The following ERN1 variants were observed in gnomAD, a reference collection of about 807,000 sequenced individuals.
The protein encoded by ERN1 is serine/threonine-protein kinase/endoribonuclease IRE1.
ERN1 carries 39 observed loss-of-function variants against 113.1 expected under a neutral mutation model. That is an observed-to-expected ratio of 0.34 (90% CI 0.27 to 0.45). ERN1 has a LOEUF of 0.45. Ranked by LOEUF, ERN1 falls within the 20% of genes least tolerant of loss-of-function variation. The pLI is 1.00. For synonymous variants in ERN1, 507 were observed against 515.9 expected (o/e 0.98, Z 0.23); for missense variants, 976 against 1,274.8 (o/e 0.77, Z 3.57).
In ERN1 at chr17:64,063,561, C is replaced by T. The variant is rs937394976; in HGVS notation, c.1087+425G>A. ...TAATCCCTCCCGGGTCCTCAGCCCT[C>T]GCCTCTCCAACCCCTCACCCTCATG... On this transcript the variant is annotated intron_variant, in intron 10 of 21. Transcript: ENST00000433197. This position sits in a 1 kb window ranked among gnomAD's most constrained non-coding sequence, Gnocchi z 5.1. 4.6e-5 allele frequency among the ~76,000 whole-genome samples: 7 copies of T among 152,186 alleles called. No homozygotes were observed. Among genetic ancestry groups the T allele is most frequent in the Admixed American group, 3.9e-4 (6 of 15,286 alleles).
chr17:64,049,863 G>T lies in ERN1; in HGVS notation c.2254-661C>A, dbSNP rs535800638. 8.7e-4 allele frequency among the ~76,000 whole-genome samples: 133 copies of T among 152,260 alleles called. No individual in the cohort carries two copies. The highest frequency in any genetic ancestry group is 1.5e-3 in the Non-Finnish European group (105 of 68,020). The stretch of plus-strand genomic sequence containing the variant: ...TGTTTTTTAGCTCATGCTACCTGGG[G>T]TGTAATACCAAGGTGGTTCCTGAGC... On this transcript the variant is annotated intron_variant, in intron 17 of 21. Coordinates refer to ENST00000433197, the MANE Select transcript of ERN1 (RefSeq NM_001433.5). The surrounding 1 kb of genome is among the most constrained non-coding windows in gnomAD (Gnocchi z 4.7).
At chr17:64,074,009 T>C (rs1913511971) in intron 5 of ERN1, among the ~76,000 whole-genome samples, 1 of 152,202 alleles carries the variant, frequency 6.6e-6, no homozygotes, top group Non-Finnish European at 1.5e-5. Flanking sequence ...GCTCCACATG[T>C]GTGCAACTTA....
At chr17:64,064,925 G>A (rs948470589) in intron 9 of ERN1, among the ~76,000 whole-genome samples, 21 of 152,178 alleles carry the variant, frequency 1.4e-4, no homozygotes, top group African/African-American at 4.6e-4. Flanking sequence ...GAAGGGCATC[G>A]TGGGACTGGA....
At chr17:64,047,716 G>C (rs1215665592) in intron 19 of ERN1, 142 bp downstream of exon 19, 3 of 665,234 alleles carry the variant, frequency 4.5e-6, no homozygotes, top group African/African-American at 1.8e-5. Flanking sequence ...TATATATGAA[G>C]AAAACATTAA....
chr17:64,094,497 T>C (rs1598075662), intron 2 of ERN1, among the ~76,000 whole-genome samples: 2 of 152,176 alleles, frequency 1.3e-5, no homozygotes, highest in African/African-American at 2.4e-5. Flanking sequence ...TTATAGTACA[T>C]GTGAAGTAAA....
intron 2 of ERN1, among the ~76,000 whole-genome samples, chr17:64,090,036 G>T (rs1443102950): frequency 1.3e-5 from 2 of 152,126 alleles, no homozygotes; most frequent in Non-Finnish European, 2.9e-5. Context: ...CTTCTCCCCA[G>T]TGGCAGCTCA....
At chr17:64,090,309 T>C (rs779957101) in intron 2 of ERN1, among the ~76,000 whole-genome samples, 1 of 152,180 alleles carries the variant, frequency 6.6e-6, no homozygotes, top group Non-Finnish European at 1.5e-5. Context: ...GACGATCACA[T>C]AGAAATGACC....
intron 6 of ERN1, among the ~76,000 whole-genome samples, chr17:64,070,831 C>T (rs1358487256): frequency 2.0e-5 from 3 of 152,172 alleles, no homozygotes; most frequent in Admixed American, 6.5e-5. Context: ...ATGGCATCCC[C>T]GACATGTGTG....
chr17:64,045,170 C>T (rs914514083), intron 20 of ERN1, among the ~76,000 whole-genome samples, 189 bp downstream of exon 20: 1 of 152,012 alleles, frequency 6.6e-6, no homozygotes, highest in Non-Finnish European at 1.5e-5. Context: ...TCACCTGTCA[C>T]TCTAGGGAAC....
intron 2 of ERN1, among the ~76,000 whole-genome samples, chr17:64,086,444 A>G (rs2143425993): frequency 6.6e-6 from 1 of 152,182 alleles, no homozygotes; most frequent in Non-Finnish European, 1.5e-5. Flanking sequence ...TGTATGTATC[A>G]TAGTTCGCTC....
Position 64,063,735 on chromosome 17 carries a change from A to C in ERN1, c.1087+251T>G, listed in dbSNP as rs1242140455. 6.6e-6 allele frequency among the ~76,000 whole-genome samples: 1 copy of C among 152,232 alleles called. No individual in the cohort carries two copies. Among genetic ancestry groups the C allele is most frequent in the Non-Finnish European group, 1.5e-5 (1 of 68,042 alleles). ...AAAGGGCTTAATGTCGGATACTCAC[A>C]CAAGGTTTACATTAATTTAGTACCT... is the stretch of plus-strand genomic sequence containing the variant. On this transcript the variant is annotated intron_variant, in intron 10 of 21. Transcript: ENST00000433197. The surrounding 1 kb of genome is among the most constrained non-coding windows in gnomAD (Gnocchi z 5.1).
At chr17:64,116,091 T>G (rs1257500651) in intron 1 of ERN1, among the ~76,000 whole-genome samples, 1 of 152,160 alleles carries the variant, frequency 6.6e-6, no homozygotes, top group Non-Finnish European at 1.5e-5. Context: ...CTGACTCACT[T>G]TAAGGTTCAG....
chr17:64,055,223 G>A lies in ERN1; in HGVS notation c.1673-395C>T, dbSNP rs113834884. 4.7e-3 allele frequency among the ~76,000 whole-genome samples: 719 copies of A among 152,360 alleles called. 6 individuals carry two copies. Among genetic ancestry groups the A allele is most frequent in the African/African-American group, 0.016 (681 of 41,580 alleles). On this transcript the variant is annotated intron_variant, in intron 13 of 21. Transcript: ENST00000433197. ...GCATTCAGGTGGCGGCAATGGACAT[G>A]TAAAACGAGGAGACTCCTTGGGACA...
intron 1 of ERN1, among the ~76,000 whole-genome samples, chr17:64,119,104 A>C (rs2143500263): frequency 6.6e-6 from 1 of 152,246 alleles, no homozygotes; most frequent in Middle Eastern, 3.4e-3. Flanking sequence ...CATTGTTTTG[A>C]TTTCTTAAGC....
chr17:64,098,298 T>C, intron 1 of ERN1, 57 bp from the exon 2 acceptor site: 1 of 1,605,788 alleles, frequency 6.2e-7, no homozygotes, highest in South Asian at 1.1e-5. Context: ...CTTGGGCATG[T>C]ACAATCACAG....
At chr17:64,066,327 G>A (rs1007895788) in intron 8 of ERN1, among the ~76,000 whole-genome samples, 1 of 152,210 alleles carries the variant, frequency 6.6e-6, no homozygotes, top group Non-Finnish European at 1.5e-5. Flanking sequence ...TGGTGGCAGG[G>A]GGAGGGTCTT....
At chr17:64,108,205 T>TAAA (rs373266754) in intron 1 of ERN1, among the ~76,000 whole-genome samples, 1 of 141,296 alleles carries the variant, frequency 7.1e-6, no homozygotes. Flanking sequence ...TAGATCTGAT[T>TAAA]AAAAAAAAAA....
Position 64,064,148 on chromosome 17 carries a change from G to A in ERN1, c.925C>T (p.Arg309Cys), listed in dbSNP as rs756457467. 3.1e-6 allele frequency: 5 copies of A among 1,593,768 alleles called. No individual in the cohort carries two copies. The highest frequency in any genetic ancestry group is 4.3e-6 in the Non-Finnish European group (5 of 1,169,886). ...MVHEGVAVVP[R>C]GSTLPLLEGP... ...TCCAGCAAAGGAAGTGTGCTGCCGC[G>A]GGGCTGTGGAGAGGGTGCAGTGAGG... is the stretch of plus-strand genomic sequence containing the variant. Residue 309 changes from arginine (R) to cysteine (C), a missense_variant, in exon 10 of 22, where the codon CGC (arginine) becomes TGC (cysteine). This residue lies in a region of ERN1 where 459 missense variants were observed against 581.2 expected (regional missense o/e 0.79). Coordinates refer to ENST00000433197, the MANE Select transcript of ERN1 (RefSeq NM_001433.5).
chr17:64,048,249 C>A (rs1912574424), intron 18 of ERN1, among the ~76,000 whole-genome samples: 1 of 152,180 alleles, frequency 6.6e-6, no homozygotes, highest in African/African-American at 2.4e-5. Flanking sequence ...GGGCCATGAG[C>A]TGTTAAAGTG....
Sources: gnomAD v4.1 joint callset for allele counts (sites outside exome capture counted in the v4.1 genomes callset) on GRCh38, gnomAD v4.1.1 for gene constraint, gnomAD v4.1.1 regional missense constraint, Gnocchi (gnomAD v3.1) non-coding constraint, MANE v1.5 for transcripts, NCBI Gene and HGNC (gene_info 2026-07-23, HGNC 2026-07-21) for gene names.